The following PTH2R variants were observed in gnomAD, a reference collection of about 807,000 sequenced individuals.
PTH2R encodes parathyroid hormone 2 receptor.
PTH2R carries 59 observed loss-of-function variants against 60.3 expected under a neutral mutation model. That is an observed-to-expected ratio of 0.98 (90% CI 0.79 to 1.22). PTH2R has a LOEUF of 1.22. PTH2R is among the 50% of genes most tolerant of loss of function. The probability of loss-of-function intolerance (pLI) is 0.00; values close to 1 mark genes in which losing one functional copy is unlikely to be tolerated. For missense variants in PTH2R, 749 were observed against 682.6 expected (o/e 1.10, Z -1.08); for synonymous variants, 256 against 243.8 (o/e 1.05, Z -0.47).
chr2:208,442,710 T>C (rs763914197), intron 5 of PTH2R, among the ~76,000 whole-genome samples: 1 of 152,254 alleles, frequency 6.6e-6, no homozygotes, highest in Non-Finnish European at 1.5e-5. Context: ...GTATATTTGT[T>C]GCAAAGTAAG....
chr2:208,463,836 G>C (rs550525106), intron 9 of PTH2R, among the ~76,000 whole-genome samples: 1 of 152,226 alleles, frequency 6.6e-6, no homozygotes, highest in African/African-American at 2.4e-5. Context: ...TCCCAGGGAT[G>C]ATCTGGCTTC....
rs1231893778 is a variant in PTH2R, at chr2:208,493,781, T to C, written c.*122T>C. 2.6e-6 allele frequency: 3 copies of C among 1,155,276 alleles called. No individual in the cohort carries two copies. Among genetic ancestry groups the C allele is most frequent in the African/African-American group, 1.6e-5 (1 of 64,312 alleles). The allele number at this position is 1,155,276 out of a possible 1,614,324, so 71.6% of individuals were successfully genotyped here. On this transcript the variant is annotated 3_prime_UTR_variant, in exon 13 of 13. Coordinates refer to ENST00000272847, the MANE Select transcript of PTH2R (RefSeq NM_005048.4). ...ATTCAGTTAAGGTGTTACTTAATAA[T>C]AGTTTTTAGGCTCCATGAATTGGCT... is the stretch of plus-strand genomic sequence containing the variant.
intron 8 of PTH2R, among the ~76,000 whole-genome samples, chr2:208,453,368 C>A (rs1022473552): frequency 1.3e-5 from 2 of 152,178 alleles, no homozygotes; most frequent in African/African-American, 4.8e-5. Flanking sequence ...TACAAATGCT[C>A]TACCTTGTTA....
At chr2:208,380,418 C>G (rs574989406) in intron 1 of PTH2R, among the ~76,000 whole-genome samples, 3 of 152,146 alleles carry the variant, frequency 2.0e-5, no homozygotes, top group Admixed American at 1.3e-4. Context: ...TCATGTATGT[C>G]AGGAATTTTA....
intron 2 of PTH2R, among the ~76,000 whole-genome samples, chr2:208,435,150 G>T (rs570192756): frequency 6.6e-6 from 1 of 152,258 alleles, no homozygotes; most frequent in East Asian, 1.9e-4. Flanking sequence ...TCTCTGTAAG[G>T]TTCTGTTATG....
chr2:208,364,241 A>G (rs1184847785), intron 1 of PTH2R, among the ~76,000 whole-genome samples: 1 of 151,486 alleles, frequency 6.6e-6, no homozygotes, highest in Admixed American at 6.6e-5. Flanking sequence ...CCATTTGTCC[A>G]TTTTTTTTGG....
chr2:208,375,009 T>A (rs994104880), intron 1 of PTH2R, among the ~76,000 whole-genome samples: 2 of 152,056 alleles, frequency 1.3e-5, no homozygotes, highest in African/African-American at 4.8e-5. Flanking sequence ...ACTGATGAGG[T>A]CTATTTTGTT....
intron 10 of PTH2R, 54 bp downstream of exon 10, chr2:208,481,218 C>G (rs1049700992): frequency 1.4e-5 from 16 of 1,144,626 alleles, no homozygotes; most frequent in Non-Finnish European, 1.9e-5. Flanking sequence ...CTATTTCTTT[C>G]CTTTTTTTTT....
At chr2:208,421,004 TA>T (rs1701743969) in intron 1 of PTH2R, among the ~76,000 whole-genome samples, 1 of 152,208 alleles carries the variant, frequency 6.6e-6, no homozygotes, top group Non-Finnish European at 1.5e-5. Flanking sequence ...ATATGACTCT[TA>T]AAAATTTAAC....
upstream of PTH2R, among the ~76,000 whole-genome samples, chr2:208,402,069 C>T (rs140140105): frequency 6.6e-6 from 1 of 152,286 alleles, no homozygotes; most frequent in African/African-American, 2.4e-5. Flanking sequence ...CTTTGAGGGA[C>T]CCCAGTTCCT....
At chr2:208,451,526 T>C (rs2105880030) in intron 8 of PTH2R, among the ~76,000 whole-genome samples, 1 of 152,270 alleles carries the variant, frequency 6.6e-6, no homozygotes, top group East Asian at 1.9e-4. Context: ...TCTTGTATAT[T>C]TAGTATATTA....
chr2:208,375,598 A>G (rs1700778748), intron 1 of PTH2R, among the ~76,000 whole-genome samples: 1 of 152,074 alleles, frequency 6.6e-6, no homozygotes. Flanking sequence ...CTTCTGTGTG[A>G]TCCAACACTT....
intron 1 of PTH2R, among the ~76,000 whole-genome samples, chr2:208,371,173 C>T (rs1403458334): frequency 6.6e-6 from 1 of 151,940 alleles, no homozygotes; most frequent in Non-Finnish European, 1.5e-5. Flanking sequence ...TTTGAGGGGA[C>T]AGATATCCAA....
Position 208,407,886 on chromosome 2 carries a change from G to A in PTH2R, c.75+768G>A, listed in dbSNP as rs553385481. 2.2e-4 allele frequency among the ~76,000 whole-genome samples: 33 copies of A among 152,288 alleles called. No homozygotes were observed. The East Asian group carries it at 6.2e-3, about 28-fold the overall frequency. Reference sequence around the variant, plus strand: ...AACCGAATCAAGGTATTTCTCTCCGGTTCGGTAGGGGGTGCACCTAGACCG... The same window carrying A: ...AACCGAATCAAGGTATTTCTCTCCGATTCGGTAGGGGGTGCACCTAGACCG... On this transcript the variant is annotated intron_variant, in intron 1 of 12. Transcript: ENST00000272847.
chr2:208,371,848 A>G (rs1700707894), intron 1 of PTH2R, among the ~76,000 whole-genome samples: 1 of 151,968 alleles, frequency 6.6e-6, no homozygotes, highest in Admixed American at 6.6e-5. Flanking sequence ...TTTGCTTCCA[A>G]ACTTTCCTTA....
At chr2:208,479,210 T>C (rs2105903749) in intron 9 of PTH2R, among the ~76,000 whole-genome samples, 1 of 152,254 alleles carries the variant, frequency 6.6e-6, no homozygotes, top group Admixed American at 6.5e-5. Flanking sequence ...ATGTATTTCC[T>C]TTAACCAATT....
chr2:208,384,493 C>T (rs1700970118), intron 1 of PTH2R, among the ~76,000 whole-genome samples: 1 of 152,156 alleles, frequency 6.6e-6, no homozygotes, highest in Non-Finnish European at 1.5e-5. Context: ...AAACACCTTA[C>T]CATTCTATTA....
At position 208,406,894 on chromosome 2, in the gene PTH2R, G is replaced by A. The variant is rs1403358227; in HGVS notation, c.-150G>A. On this transcript the variant is annotated 5_prime_UTR_variant, in exon 1 of 13. Coordinates refer to ENST00000272847, the MANE Select transcript of PTH2R (RefSeq NM_005048.4). ...CGTGGCTCCGGCGACAAGACCCCAAGCACCCTCGGCCGGTGGCCCGGGCCC... is the reference window on the plus strand; with the variant it reads ...CGTGGCTCCGGCGACAAGACCCCAAACACCCTCGGCCGGTGGCCCGGGCCC... 1.3e-5 allele frequency: 7 copies of A among 522,912 alleles called. No individual in the cohort carries two copies. Among genetic ancestry groups the A allele is most frequent in the East Asian group, 3.1e-5 (1 of 31,810 alleles). The allele number at this position is 522,912 out of a possible 1,614,324, so 32.4% of individuals were successfully genotyped here. A position where few individuals can be genotyped will look rare whatever the true frequency, so the allele number is the denominator to read the frequency against.
At chr2:208,482,798 A>T (rs532014471) in intron 10 of PTH2R, among the ~76,000 whole-genome samples, 1 of 152,168 alleles carries the variant, frequency 6.6e-6, no homozygotes, top group African/African-American at 2.4e-5. Context: ...CCATATGGAC[A>T]GGCACCCCCC....
Sources: gnomAD v4.1 joint callset for allele counts (sites outside exome capture counted in the v4.1 genomes callset) on GRCh38, gnomAD v4.1.1 for gene constraint, MANE v1.5 for transcripts, NCBI Gene and HGNC (gene_info 2026-07-23, HGNC 2026-07-21) for gene names.